THEMIS: variants seen among roughly 807,000 people sequenced by gnomAD.
The protein encoded by THEMIS is protein THEMIS.
A neutral mutation model predicts 52.6 loss-of-function variants in THEMIS; 37 were observed. The ratio of observed to expected loss-of-function variants is 0.70; its 90% CI spans 0.54 to 0.93. THEMIS has a LOEUF of 0.93. Among genes scored for constraint, THEMIS ranks in the 40% least tolerant of loss-of-function variants. The pLI, the probability that THEMIS is intolerant of heterozygous loss-of-function variation, is 0.00. For synonymous variants in THEMIS, 292 were observed against 272.7 expected (o/e 1.07, Z -0.70); for missense variants, 808 against 763.1 (o/e 1.06, Z -0.69).
At chr6:127,772,373 T>TA (rs1484623270) in intron 4 of THEMIS, among the ~76,000 whole-genome samples, 1 of 152,120 alleles carries the variant, frequency 6.6e-6, no homozygotes, top group African/African-American at 2.4e-5. Context: ...TTAGTGAGAT[T>TA]AGGTAGGCCT....
At chr6:127,715,952 T>C (rs1291497214) in intron 5 of THEMIS, among the ~76,000 whole-genome samples, 1 of 151,856 alleles carries the variant, frequency 6.6e-6, no homozygotes, top group Non-Finnish European at 1.5e-5. Context: ...ATCTAGGTTG[T>C]GGCAGAACTG....
chr6:127,703,883 AT>A (rs1317666964), downstream of THEMIS, among the ~76,000 whole-genome samples: 1 of 152,162 alleles, frequency 6.6e-6, no homozygotes, highest in Non-Finnish European at 1.5e-5. Context: ...ATTGCTCACC[AT>A]TATGGAGGCT....
intron 4 of THEMIS, among the ~76,000 whole-genome samples, chr6:127,769,827 G>A (rs1336697372): frequency 6.6e-6 from 1 of 152,088 alleles, no homozygotes; most frequent in African/African-American, 2.4e-5. Context: ...CTGTGTCCAA[G>A]TGTTCTCACT....
intron 4 of THEMIS, among the ~76,000 whole-genome samples, chr6:127,798,099 T>C (rs1041943259): frequency 5.3e-5 from 8 of 152,218 alleles, no homozygotes; most frequent in African/African-American, 1.7e-4. Context: ...CGTATGTGTG[T>C]CTGAGTCTAT....
chr6:127,849,066 A>G (rs1175700947), intron 2 of THEMIS, among the ~76,000 whole-genome samples: 2 of 152,090 alleles, frequency 1.3e-5, no homozygotes, highest in Non-Finnish European at 2.9e-5. Context: ...TAGGTCTAAC[A>G]TTTAAGTCTT....
At chr6:127,707,589 G>A (rs1773830045), downstream of THEMIS, among the ~76,000 whole-genome samples, 1 of 152,036 alleles carries the variant, frequency 6.6e-6, no homozygotes, top group African/African-American at 2.4e-5. Flanking sequence ...TATAGTTGTG[G>A]AAATATTTTC....
At chr6:127,891,441 C>A (rs929719329) in intron 1 of THEMIS, among the ~76,000 whole-genome samples, 2 of 146,254 alleles carry the variant, frequency 1.4e-5, no homozygotes, top group Admixed American at 7.2e-5. Context: ...GAGACTGAGA[C>A]AGGAAAATCG....
intron 3 of THEMIS, among the ~76,000 whole-genome samples, chr6:127,826,063 T>C (rs1396698524): frequency 3.3e-5 from 5 of 152,176 alleles, no homozygotes; most frequent in African/African-American, 9.7e-5. Context: ...TAAGTCTTCA[T>C]TGTCATATGT....
chr6:127,859,234 G>A (rs1194205982), intron 1 of THEMIS, among the ~76,000 whole-genome samples: 2 of 151,904 alleles, frequency 1.3e-5, no homozygotes, highest in Non-Finnish European at 2.9e-5. Flanking sequence ...ACTTGTCAAA[G>A]TCCAACCAAT....
intron 2 of THEMIS, among the ~76,000 whole-genome samples, chr6:127,837,365 A>G (rs1778906534): frequency 6.6e-6 from 1 of 152,104 alleles, no homozygotes; most frequent in Non-Finnish European, 1.5e-5. Flanking sequence ...AGATAATAAT[A>G]ATGAGAAAAA....
chr6:127,787,830 G>GATAGATAA (rs1179179217), intron 4 of THEMIS, among the ~76,000 whole-genome samples: 3 of 141,010 alleles, frequency 2.1e-5, no homozygotes, highest in African/African-American at 7.9e-5. Context: ...TAGATAGATA[G>GATAGATAA]ATAGATAGAG....
At chr6:127,762,479 G>A (rs1342828977) in intron 4 of THEMIS, among the ~76,000 whole-genome samples, 2 of 152,012 alleles carry the variant, frequency 1.3e-5, no homozygotes, top group South Asian at 2.1e-4. Flanking sequence ...AATCTAAAGC[G>A]CTTATCATTC....
intron 4 of THEMIS, among the ~76,000 whole-genome samples, chr6:127,765,813 A>G (rs1328696938): frequency 1.3e-5 from 2 of 152,130 alleles, no homozygotes; most frequent in Non-Finnish European, 2.9e-5. Flanking sequence ...AGGCTATACC[A>G]TCTTAAGTTT....
rs531747314 is a variant in THEMIS, at chr6:127,895,398, A to G, written c.91+5444T>C. 2.2e-4 allele frequency among the ~76,000 whole-genome samples: 33 copies of G among 151,690 alleles called. 1 individual carries two copies. In the East Asian group the frequency reaches 4.8e-3, roughly 22 times the overall value. On this transcript the variant is annotated intron_variant, in intron 1 of 5. Coordinates refer to ENST00000368248, the MANE Select transcript of THEMIS (RefSeq NM_001010923.3). The stretch of plus-strand genomic sequence containing the variant: ...ACATTAATGTCTATTTAAGAAAACC[A>G]GTGAAATAAAAAATATAAACTATTA...
chr6:127,876,748 C>T (rs183897709), intron 1 of THEMIS, among the ~76,000 whole-genome samples: 35 of 152,196 alleles, frequency 2.3e-4, no homozygotes, highest in African/African-American at 6.3e-4. Flanking sequence ...CAAAACTAAA[C>T]GAAAGCAATT....
At chr6:127,881,666 G>C (rs969653416) in intron 1 of THEMIS, among the ~76,000 whole-genome samples, 3 of 151,808 alleles carry the variant, frequency 2.0e-5, no homozygotes, top group African/African-American at 4.8e-5. Flanking sequence ...TTCCTCTACA[G>C]CTTTTGAAAA....
chr6:127,705,417 C>T (rs1351347984), downstream of THEMIS, among the ~76,000 whole-genome samples: 1 of 152,142 alleles, frequency 6.6e-6, no homozygotes, highest in African/African-American at 2.4e-5. Flanking sequence ...CTCACAAAGG[C>T]TGATCTAGTT....
chr6:127,827,578 G>A (rs1048654162), intron 3 of THEMIS, among the ~76,000 whole-genome samples: 5 of 152,186 alleles, frequency 3.3e-5, no homozygotes, highest in African/African-American at 9.6e-5. Flanking sequence ...AAACAAATAT[G>A]TTAATATCCC....
chr6:127,743,544 A>G (rs913301244), intron 4 of THEMIS, among the ~76,000 whole-genome samples: 2 of 152,092 alleles, frequency 1.3e-5, no homozygotes, highest in Non-Finnish European at 2.9e-5. Context: ...GGGAGTATAA[A>G]GGGTTTCTTA....
Sources: allele counts gnomAD v4.1 joint callset (sites outside exome capture counted in the v4.1 genomes callset), GRCh38; gene constraint gnomAD v4.1.1; transcripts MANE v1.5; gene names NCBI Gene and HGNC (gene_info 2026-07-23, HGNC 2026-07-21).